CACNG3: variants seen among roughly 807,000 people sequenced by gnomAD.
The protein encoded by CACNG3 is calcium voltage-gated channel auxiliary subunit gamma 3, also known as voltage-dependent calcium channel gamma-3 subunit.
A neutral mutation model predicts 28.5 loss-of-function variants in CACNG3; 3 were observed. The observed-to-expected ratio is 0.11, with a 90% CI of 0.05 to 0.27. CACNG3 has a LOEUF of 0.27. CACNG3 is among the 10% of genes least tolerant of loss of function. CACNG3 has a pLI of 1.00. For synonymous variants in CACNG3, 174 were observed against 162.2 expected, an observed-to-expected ratio of 1.07 and a Z score of -0.55; for missense variants, 236 against 414.4, an observed-to-expected ratio of 0.57 and a Z score of 3.74.
chr16:24,261,902 A>C (rs1473769670), intron 1 of CACNG3, among the ~76,000 whole-genome samples: 3 of 152,200 alleles, frequency 2.0e-5, no homozygotes, highest in African/African-American at 7.2e-5. Context: ...TGTTGTCTGA[A>C]AACCTTCAGG....
rs539093563 is a variant in CACNG3, at chr16:24,263,641, A to C, written c.211+6676A>C. The stretch of plus-strand genomic sequence containing the variant: ...GGGGCTTATGTGGATCCTGTTATTT[A>C]CTGACTATGAGACCTTGAAAGTTAC... On this transcript the variant is annotated intron_variant, in intron 1 of 3. Coordinates refer to ENST00000005284, the MANE Select transcript of CACNG3 (RefSeq NM_006539.4). Among the ~76,000 whole-genome samples, 29 of 152,306 alleles carry C rather than the reference A, an allele frequency of 1.9e-4. 1 individual carries two copies. The highest frequency in any genetic ancestry group is 6.8e-3 in the Middle Eastern group (2 of 294).
At chr16:24,278,653 CTGTT>C (rs1898782359) in intron 1 of CACNG3, among the ~76,000 whole-genome samples, 1 of 152,074 alleles carries the variant, frequency 6.6e-6, no homozygotes, top group South Asian at 2.1e-4. Context: ...AAATCTAACA[CTGTT>C]TGAGAGTTTA....
chr16:24,326,903 T>C (rs8050619), intron 1 of CACNG3, among the ~76,000 whole-genome samples: 113,020 of 151,760 alleles, frequency 0.74, 42,208 homozygotes, highest in Middle Eastern at 0.85. Flanking sequence ...ATGATCTCGC[T>C]CCCCTGCCAC....
intron 1 of CACNG3, among the ~76,000 whole-genome samples, chr16:24,299,904 T>A (rs1899082875): frequency 6.6e-6 from 1 of 151,940 alleles, no homozygotes; most frequent in Non-Finnish European, 1.5e-5. Flanking sequence ...TTTAATCAAG[T>A]TATCTGCACA....
chr16:24,269,325 T>C (rs922657749), intron 1 of CACNG3, among the ~76,000 whole-genome samples: 63 of 152,222 alleles, frequency 4.1e-4, no homozygotes, highest in African/African-American at 1.5e-3. Flanking sequence ...AGTGAACTTA[T>C]ACTAATCCCT....
intron 1 of CACNG3, among the ~76,000 whole-genome samples, chr16:24,342,125 G>A (rs140747027): frequency 0.029 from 4,354 of 152,058 alleles, 109 homozygotes; most frequent in Middle Eastern, 0.092. Flanking sequence ...AAAATCAGCC[G>A]GGCATGGTGG....
At chr16:24,266,915 G>A (rs1001624637) in intron 1 of CACNG3, among the ~76,000 whole-genome samples, 1 of 151,936 alleles carries the variant, frequency 6.6e-6, no homozygotes, top group Non-Finnish European at 1.5e-5. Context: ...GATGGGCCGT[G>A]AGAACCCCAG....
intron 1 of CACNG3, among the ~76,000 whole-genome samples, chr16:24,277,664 A>G (rs905380419): frequency 1.3e-5 from 2 of 151,204 alleles, no homozygotes; most frequent in East Asian, 3.9e-4. Context: ...AGTCCCAGCT[A>G]CTCTACTCAG....
chr16:24,296,480 C>T (rs1003315860), intron 1 of CACNG3, among the ~76,000 whole-genome samples: 12 of 152,254 alleles, frequency 7.9e-5, no homozygotes, highest in African/African-American at 2.6e-4. Flanking sequence ...GGGACTGTGG[C>T]GATACTACCG....
chr16:24,359,850 A>G (rs1900082395), intron 3 of CACNG3, among the ~76,000 whole-genome samples: 1 of 151,630 alleles, frequency 6.6e-6, no homozygotes, highest in South Asian at 2.1e-4. Flanking sequence ...GTAAGAGAGC[A>G]AGATCCTATC....
At chr16:24,331,018 CTCTG>C (rs1051616608) in intron 1 of CACNG3, among the ~76,000 whole-genome samples, 2 of 152,138 alleles carry the variant, frequency 1.3e-5, no homozygotes, top group African/African-American at 4.8e-5. Context: ...TTGTCATTCT[CTCTG>C]TCTCTCTCTC....
intron 1 of CACNG3, among the ~76,000 whole-genome samples, chr16:24,338,200 T>A (rs563660563): frequency 7.2e-5 from 11 of 152,182 alleles, no homozygotes; most frequent in Admixed American, 5.9e-4. Flanking sequence ...ACTCTTCATA[T>A]AACTGGCTCC....
intron 1 of CACNG3, among the ~76,000 whole-genome samples, chr16:24,332,814 C>T (rs1045600868): frequency 4.6e-5 from 7 of 152,158 alleles, no homozygotes; most frequent in Admixed American, 2.0e-4. Context: ...ACCCCTGCCC[C>T]ATTTAACACT....
At chr16:24,304,994 T>C (rs1458615935) in intron 1 of CACNG3, among the ~76,000 whole-genome samples, 3 of 152,224 alleles carry the variant, frequency 2.0e-5, no homozygotes, top group Non-Finnish European at 2.9e-5. Flanking sequence ...CTTTCCTCCA[T>C]TGGTCTCCAC....
At chr16:24,312,916 G>A (rs1414446893) in intron 1 of CACNG3, among the ~76,000 whole-genome samples, 8 of 43,226 alleles carry the variant, frequency 1.9e-4, no homozygotes, top group African/African-American at 1.0e-3. Context: ...AGGAAGGAAG[G>A]AAGGAAGAAA....
At chr16:24,264,511 A>T (rs574959800) in intron 1 of CACNG3, among the ~76,000 whole-genome samples, 11 of 152,310 alleles carry the variant, frequency 7.2e-5, no homozygotes, top group East Asian at 3.9e-4. Context: ...GTAACTCCAC[A>T]AGACAGTCAG....
At chr16:24,304,261 G>T (rs187339380) in intron 1 of CACNG3, among the ~76,000 whole-genome samples, 4 of 152,146 alleles carry the variant, frequency 2.6e-5, no homozygotes, top group Admixed American at 2.6e-4. Flanking sequence ...AGATTTTTTT[G>T]GACTTCCTAA....
intron 1 of CACNG3, among the ~76,000 whole-genome samples, chr16:24,341,317 T>A (rs985378245): frequency 2.0e-5 from 3 of 152,254 alleles, no homozygotes; most frequent in Admixed American, 6.5e-5. Flanking sequence ...TCATTTTCAG[T>A]GTGGAGTCTT....
chr16:24,280,389 T>G (rs763825058), intron 1 of CACNG3, among the ~76,000 whole-genome samples: 5 of 152,236 alleles, frequency 3.3e-5, no homozygotes, highest in African/African-American at 4.8e-5. Context: ...TCAACCATAA[T>G]TTGGAAAAGG....
Sources: allele counts gnomAD v4.1 joint callset (sites outside exome capture counted in the v4.1 genomes callset), GRCh38; gene constraint gnomAD v4.1.1; transcripts MANE v1.5; gene names NCBI Gene and HGNC (gene_info 2026-07-23, HGNC 2026-07-21).